DNAJA3: variants seen among roughly 807,000 people sequenced by gnomAD.
The protein encoded by DNAJA3 is dnaJ homolog subfamily A member 3, mitochondrial.
A neutral mutation model predicts 54.9 loss-of-function variants in DNAJA3; 29 were observed. That is an observed-to-expected ratio of 0.53 (90% confidence interval 0.39 to 0.72). The LOEUF is 0.72. Among genes scored for constraint, DNAJA3 ranks in the 30% least tolerant of loss-of-function variants. The pLI, the probability that DNAJA3 is intolerant of heterozygous loss-of-function variation, is 0.00. For synonymous variants in DNAJA3, 302 were observed against 251.4 expected, an observed-to-expected ratio of 1.20 and a Z score of -1.90; for missense variants, 708 against 639.4, an observed-to-expected ratio of 1.11 and a Z score of -1.16.
At chr16:4,445,973 G>T (rs552878874) in intron 7 of DNAJA3, among the ~76,000 whole-genome samples, 4 of 150,554 alleles carry the variant, frequency 2.7e-5, no homozygotes, top group African/African-American at 9.7e-5. Flanking sequence ...CCAGTCTGGA[G>T]TGCAGTGGCA....
chr16:4,426,490 G>A (rs2056625037), intron 1 of DNAJA3, among the ~76,000 whole-genome samples: 1 of 152,312 alleles, frequency 6.6e-6, no homozygotes, highest in African/African-American at 2.4e-5. Flanking sequence ...GATGCCTGCC[G>A]TCATCACCAT....
intron 11 of DNAJA3, 73 bp downstream of exon 11, chr16:4,455,000 A>G: frequency 9.2e-7 from 1 of 1,086,500 alleles, no homozygotes; most frequent in Non-Finnish European, 1.4e-6. Flanking sequence ...TCCCACTTTA[A>G]CCAATATTGT....
chr16:4,438,811 A>G (rs2056804796), intron 3 of DNAJA3, among the ~76,000 whole-genome samples: 1 of 152,130 alleles, frequency 6.6e-6, no homozygotes, highest in South Asian at 2.1e-4. Context: ...CAGTATATAT[A>G]GGAGCTCATA....
At chr16:4,446,863 G>A (rs2056907467) in intron 7 of DNAJA3, 23 bp from the exon 8 acceptor site, 1 of 1,612,794 alleles carries the variant, frequency 6.2e-7, no homozygotes, top group South Asian at 1.1e-5. Flanking sequence ...ATCTTCACAT[G>A]CATCTGTCAT....
chr16:4,445,420 T>A (rs1003954586), intron 7 of DNAJA3, among the ~76,000 whole-genome samples: 1 of 152,210 alleles, frequency 6.6e-6, no homozygotes, highest in Non-Finnish European at 1.5e-5. Flanking sequence ...ACCTGTGAGA[T>A]GGCATTATGT....
At chr16:4,438,242 G>A (rs1390243232) in intron 3 of DNAJA3, among the ~76,000 whole-genome samples, 2 of 152,104 alleles carry the variant, frequency 1.3e-5, no homozygotes, top group South Asian at 2.1e-4. Context: ...GCGTGAACCC[G>A]GGAGGCGGAG....
intron 7 of DNAJA3, among the ~76,000 whole-genome samples, chr16:4,446,205 G>C (rs1596368424): frequency 6.6e-6 from 1 of 151,158 alleles, no homozygotes; most frequent in East Asian, 1.9e-4. Context: ...ACAAGCGTGA[G>C]CCACCACGGC....
Position 4,442,315 on chromosome 16 carries a change from G to A in DNAJA3, c.678G>A (p.Lys226=), listed in dbSNP as rs1396288261. The A allele has an allele frequency of 1.2e-6, 2 of 1,606,584 alleles. No homozygotes were observed. Among genetic ancestry groups the A allele is most frequent in the East Asian group, 2.2e-5 (1 of 44,464 alleles). ...TFNQAAKGVN[K]EFTVNIMDTC... The stretch of plus-strand genomic sequence containing the variant: ...ATCAAGCTGCAAAGGGGGTCAACAA[G>A]GAGTTCACCGTGAACATCATGGACA... Residue 226 remains lysine, a synonymous_variant, in exon 5 of 12, where the codon AAG becomes AAA. Coordinates refer to ENST00000262375, the MANE Select transcript of DNAJA3 (RefSeq NM_005147.6).
At chr16:4,447,065 T>C in intron 8 of DNAJA3, 51 bp downstream of exon 8, 1 of 1,583,998 alleles carries the variant, frequency 6.3e-7, no homozygotes, top group Non-Finnish European at 8.6e-7. Flanking sequence ...ATTGCTCTTT[T>C]TCTGAAATGG....
rs975476296 is a variant in DNAJA3 at position 4,437,976 on chromosome 16, A to C, written c.429+491A>C. On this transcript the variant is annotated intron_variant, in intron 3 of 11. Coordinates refer to ENST00000262375, the MANE Select transcript of DNAJA3 (RefSeq NM_005147.6). ...CTCTCAAAAAATAAAAAATTAAAAA[A>C]AAAACAAAACAACAACATTCTAAGA... Among the ~76,000 whole-genome samples, 26 of 152,080 alleles carry C rather than the reference A, an allele frequency of 1.7e-4. 1 individual carries two copies. The East Asian group carries it at 4.4e-3, about 26-fold the overall frequency.
At chr16:4,450,542 G>GT in intron 10 of DNAJA3, 45 bp downstream of exon 10, 1 of 1,487,574 alleles carries the variant, frequency 6.7e-7, no homozygotes, top group Middle Eastern at 1.7e-4. Flanking sequence ...GGGCCTCAGA[G>GT]CCCCCCAGGG....
intron 10 of DNAJA3, among the ~76,000 whole-genome samples, chr16:4,452,254 G>T (rs1034197092): frequency 6.6e-6 from 1 of 152,090 alleles, no homozygotes; most frequent in Non-Finnish European, 1.5e-5. Flanking sequence ...ACTCTAATCA[G>T]TGCACCTGTG....
chr16:4,453,815 A>T (rs1037738744), intron 10 of DNAJA3, among the ~76,000 whole-genome samples: 1 of 152,108 alleles, frequency 6.6e-6, no homozygotes, highest in African/African-American at 2.4e-5. Flanking sequence ...CAAACTTTGG[A>T]CCTTTCACTA....
Position 4,441,554 on chromosome 16 carries a change from C to T in DNAJA3, c.609C>T (p.Thr203=), listed in dbSNP as rs1372137247. Residue 203 remains threonine, a synonymous_variant, in exon 4 of 12, where the codon ACC becomes ACT. Coordinates refer to ENST00000262375, the MANE Select transcript of DNAJA3 (RefSeq NM_005147.6). ...FSSSSFGDFQ[T]VFDQPQEYFM... is the part of the protein sequence containing the mutation. Reference sequence around the variant, plus strand: ...CCTCTTCATTTGGAGATTTCCAGACCGTGTTTGATCAGCCTCAGGAAGTAA... The same window carrying T: ...CCTCTTCATTTGGAGATTTCCAGACTGTGTTTGATCAGCCTCAGGAAGTAA... 17 of 1,613,956 alleles carry T rather than the reference C, an allele frequency of 1.1e-5. No individual in the cohort carries two copies. The East Asian group carries it at 2.7e-4, about 25-fold the overall frequency.
At chr16:4,438,265 T>C (rs997094814) in intron 3 of DNAJA3, among the ~76,000 whole-genome samples, 8 of 150,412 alleles carry the variant, frequency 5.3e-5, no homozygotes, top group East Asian at 3.9e-4. Flanking sequence ...TGCAGTGAGC[T>C]GAGATTGCGC....
intron 3 of DNAJA3, among the ~76,000 whole-genome samples, chr16:4,439,435 T>C (rs8061742): frequency 0.69 from 104,949 of 151,882 alleles, 36,461 homozygotes; most frequent in Non-Finnish European, 0.73. Context: ...CTCACTGCAG[T>C]CTCAAACTCT....
At chr16:4,439,576 A>G (rs1326850705) in intron 3 of DNAJA3, among the ~76,000 whole-genome samples, 1 of 152,110 alleles carries the variant, frequency 6.6e-6, no homozygotes, top group African/African-American at 2.4e-5. Flanking sequence ...GTGTTTTTCC[A>G]CATGGTTAGT....
intron 6 of DNAJA3, 48 bp from the exon 7 acceptor site, chr16:4,444,616 G>A: frequency 1.3e-6 from 2 of 1,563,336 alleles, no homozygotes; most frequent in Non-Finnish European, 1.8e-6. Flanking sequence ...TTACAGGCGT[G>A]AGCCACCGCG....
intron 2 of DNAJA3, among the ~76,000 whole-genome samples, chr16:4,436,423 C>T (rs971986233): frequency 2.0e-5 from 3 of 152,196 alleles, no homozygotes; most frequent in Admixed American, 6.5e-5. Context: ...GATTTTTAGG[C>T]ACGGAAGTAA....
Sources: gnomAD v4.1 joint callset for allele counts (sites outside exome capture counted in the v4.1 genomes callset) on GRCh38, gnomAD v4.1.1 for gene constraint, MANE v1.5 for transcripts, NCBI Gene and HGNC (gene_info 2026-07-23, HGNC 2026-07-21) for gene names.